AIMP2: variants seen among roughly 807,000 people sequenced by gnomAD.
AIMP2 encodes the protein aminoacyl tRNA synthase complex-interacting multifunctional protein 2.
A neutral mutation model predicts 23.4 loss-of-function variants in AIMP2; 20 were observed. The ratio of observed to expected loss-of-function variants is 0.85; its 90% confidence interval spans 0.60 to 1.24. AIMP2 has a LOEUF of 1.24. AIMP2 is among the 50% of genes most tolerant of loss of function. The pLI is 0.00. For missense variants in AIMP2, 515 were observed against 414.5 expected (o/e 1.24, Z -2.10); for synonymous variants, 210 against 170.4 (o/e 1.23, Z -1.81).
rs1370919042 is a variant in AIMP2 at position 6,021,520 on chromosome 7, T to C, written c.575-1783T>C. Among the ~76,000 whole-genome samples the C allele has an allele frequency of 2.6e-5, 4 of 152,076 alleles. No homozygotes were observed. In the East Asian group the frequency reaches 5.8e-4, roughly 22 times the overall value. ...CGTGACTTCATAGGATTTACGACAATCAAGGAAACCATGAAATAGATCATA... is the reference window on the plus strand; with the variant it reads ...CGTGACTTCATAGGATTTACGACAACCAAGGAAACCATGAAATAGATCATA... On this transcript the variant is annotated intron_variant, in intron 3 of 3. Coordinates refer to ENST00000223029, the MANE Select transcript of AIMP2 (RefSeq NM_006303.4).
At position 6,009,434 on chromosome 7, in the gene AIMP2, T is replaced by G. The variant is rs1324538398; in HGVS notation, c.71T>G (p.Met24Arg). The change falls in exon 1 of 4, where the codon ATG becomes AGG. Residue 24 changes from methionine (M) to arginine (R), a missense_variant. Met to Arg is a moderately conservative substitution (Grantham distance 91). Transcript: ENST00000223029. ...CTCCGTGTGGAGCTTCCCACCTGCATGTACCGGCTCCCCAACGTGCACGGC... is the reference window on the plus strand; with the variant it reads ...CTCCGTGTGGAGCTTCCCACCTGCAGGTACCGGCTCCCCAACGTGCACGGC... The part of the protein sequence containing the change: ...APLRVELPTC[M>R]YRLPNVHGRS... 2.5e-6 allele frequency: 4 copies of G among 1,611,192 alleles called. No individual in the cohort carries two copies. Among genetic ancestry groups the G allele is most frequent in the Non-Finnish European group, 3.4e-6 (4 of 1,179,862 alleles).
chr7:6,020,701 T>A (rs1490435880), intron 3 of AIMP2, among the ~76,000 whole-genome samples: 1 of 151,846 alleles, frequency 6.6e-6, no homozygotes, highest in African/African-American at 2.4e-5. Context: ...ATAAAGAAAA[T>A]CATGGAGGAG....
intron 1 of AIMP2, among the ~76,000 whole-genome samples, chr7:6,011,480 T>A (rs1202460756): frequency 2.0e-5 from 3 of 152,182 alleles, no homozygotes; most frequent in Non-Finnish European, 4.4e-5. Context: ...ATTGCAAACG[T>A]ACATCCTAGG....
At chr7:6,015,599 C>T (rs1472486450) in intron 2 of AIMP2, among the ~76,000 whole-genome samples, 4 of 152,202 alleles carry the variant, frequency 2.6e-5, no homozygotes, top group Admixed American at 2.0e-4. Context: ...TGGCGGGCAC[C>T]TGTAGTCCCA....
intron 2 of AIMP2, among the ~76,000 whole-genome samples, chr7:6,016,696 A>C: frequency 6.6e-6 from 1 of 152,178 alleles, no homozygotes; most frequent in East Asian, 1.9e-4. Context: ...GCGTCAAGTA[A>C]TACAATATGT....
intron 2 of AIMP2, among the ~76,000 whole-genome samples, chr7:6,017,600 A>C (rs1787100659): frequency 6.6e-6 from 1 of 151,786 alleles, no homozygotes; most frequent in Non-Finnish European, 1.5e-5. Flanking sequence ...GTTGGGGGTA[A>C]GGGGGTGGAG....
chr7:6,021,423 C>T (rs570689039), intron 3 of AIMP2, among the ~76,000 whole-genome samples: 84 of 151,028 alleles, frequency 5.6e-4, no homozygotes, highest in African/African-American at 1.2e-3. Flanking sequence ...AGGCCATCAT[C>T]GTATAAAAAG....
intron 3 of AIMP2, among the ~76,000 whole-genome samples, chr7:6,020,934 G>A (rs1583463496): frequency 6.6e-6 from 1 of 152,128 alleles, no homozygotes; most frequent in South Asian, 2.1e-4. Context: ...GAGACTTAAC[G>A]GGAAAAGATA....
chr7:6,022,558 T>A (rs1787504413), intron 3 of AIMP2: 1 of 152,228 alleles, frequency 6.6e-6, no homozygotes, highest in Non-Finnish European at 1.5e-5. Context: ...GCGATTTGCA[T>A]CAGGTCAGAT....
chr7:6,010,617 T>C (rs1267410207), intron 1 of AIMP2, among the ~76,000 whole-genome samples: 4 of 151,982 alleles, frequency 2.6e-5, no homozygotes, highest in Middle Eastern at 3.4e-3. Flanking sequence ...CCCGGCTAAT[T>C]TTTCTATTTT....
Position 6,018,078 on chromosome 7 carries a change from C to G in AIMP2, c.574+33C>G, listed in dbSNP as rs376960157. Reference sequence around the variant, plus strand: ...GACGGGACTGAGTTCAACTTACACACAGCTGCCCCTTGAACACCATGAGTT... The same window carrying G: ...GACGGGACTGAGTTCAACTTACACAGAGCTGCCCCTTGAACACCATGAGTT... On this transcript the variant is annotated intron_variant, in intron 3 of 3. Transcript: ENST00000223029. 1,716 of 1,548,304 alleles carry G rather than the reference C, an allele frequency of 1.1e-3. 3 individuals are homozygous for G. Among genetic ancestry groups the G allele is most frequent in the Non-Finnish European group, 1.3e-3 (1,487 of 1,127,286 alleles).
Position 6,009,974 on chromosome 7 carries a change from A to AAAAATATACATATAT in AIMP2, c.135+477_135+478insAAATATACATATATA. Among the ~76,000 whole-genome samples the AAAAATATACATATAT allele has an allele frequency of 9.0e-4, 24 of 26,674 alleles. 2 individuals are homozygous for AAAAATATACATATAT. Among genetic ancestry groups the AAAAATATACATATAT allele is most frequent in the African/African-American group, 3.1e-3 (22 of 7,146 alleles). The allele number at this position is 26,674 out of a possible 152,430, so 17.5% of individuals were successfully genotyped here. On this transcript the variant is annotated intron_variant, in intron 1 of 3. Coordinates refer to ENST00000223029, the MANE Select transcript of AIMP2 (RefSeq NM_006303.4). ...CAAAAAAAAAAAAAAAAAAAAAAAA[A>AAAAATATACATATAT]ATATATATATATATATATGTATGTA...
Position 6,023,503 on chromosome 7 carries a change from A to G in AIMP2, c.775A>G (p.Met259Val), listed in dbSNP as rs755273615. The change falls in exon 4 of 4, where the codon ATG becomes GTG. Residue 259 changes from methionine (M) to valine (V), a missense_variant. Coordinates refer to ENST00000223029, the MANE Select transcript of AIMP2 (RefSeq NM_006303.4). The part of the protein sequence containing the change: ...SKEKAAVFRS[M>V]NSALGKSPWL... ...AGAAAAAGCCGCTGTTTTCCGCTCC[A>G]TGAACTCTGCTCTTGGGAAGAGCCC... The G allele has an allele frequency of 3.2e-5, 52 of 1,614,096 alleles. No homozygotes were observed. The highest frequency in any genetic ancestry group is 3.9e-5 in the Non-Finnish European group (46 of 1,180,038).
chr7:6,012,512 A>T (rs1786753927), intron 1 of AIMP2, among the ~76,000 whole-genome samples: 1 of 152,074 alleles, frequency 6.6e-6, no homozygotes, highest in African/African-American at 2.4e-5. Flanking sequence ...AAAAATCACA[A>T]GCCACGTTAC....
In AIMP2 at chr7:6,023,663, T is replaced by G; in HGVS notation, c.935T>G (p.Phe312Cys). ...WMRSCENLAP[F>C]NTALKLLK ...AGGTCTTGTGAAAACCTGGCTCCTT[T>G]TAACACGGCCCTCAAGCTCCTTAAG... Residue 312 changes from phenylalanine (F) to cysteine (C), a missense_variant, in exon 4 of 4, where the codon TTT (phenylalanine) becomes TGT (cysteine). By Grantham distance (205) the Phe-to-Cys change is radical (BLOSUM62 -2). Transcript: ENST00000223029. The G allele has an allele frequency of 6.2e-7, 1 of 1,614,124 alleles. No homozygotes were observed. Among genetic ancestry groups the G allele is most frequent in the Non-Finnish European group, 8.5e-7 (1 of 1,180,022 alleles).
chr7:6,016,999 G>C lies in AIMP2; in HGVS notation c.343-815G>C. 4 of 153,832 alleles carry C rather than the reference G, an allele frequency of 2.6e-5. 1 individual carries two copies. The Middle Eastern group carries it at 3.9e-3, about 151-fold the overall frequency. The allele number at this position is 153,832 out of a possible 1,614,324, so 9.5% of individuals were successfully genotyped here. On this transcript the variant is annotated intron_variant, in intron 2 of 3. Transcript: ENST00000223029. Reference sequence around the variant, plus strand: ...ACCCGTGGGCCACTGGCACTGAAGAGGGTTACACAGTGGGAATAAACAAGG... The same window carrying C: ...ACCCGTGGGCCACTGGCACTGAAGACGGTTACACAGTGGGAATAAACAAGG...
At chr7:6,020,518 A>G (rs1008693092) in intron 3 of AIMP2, among the ~76,000 whole-genome samples, 1 of 152,252 alleles carries the variant, frequency 6.6e-6, no homozygotes, top group South Asian at 2.1e-4. Flanking sequence ...AAGCAAAGTC[A>G]TTATATGACA....
At chr7:6,014,249 G>GTT (rs1786874509) in intron 1 of AIMP2, among the ~76,000 whole-genome samples, 1 of 109,942 alleles carries the variant, frequency 9.1e-6, no homozygotes, top group South Asian at 3.2e-4. Context: ...ATTTGTTGAA[G>GTT]CTTTTTTTTT....
At position 6,017,840 on chromosome 7, in the gene AIMP2, G is replaced by C. The variant is rs774926931; in HGVS notation, c.369G>C (p.Val123=). 5.6e-6 allele frequency: 9 copies of C among 1,613,996 alleles called. No homozygotes were observed. The highest frequency in any genetic ancestry group is 7.6e-6 in the Non-Finnish European group (9 of 1,179,978). ...GKDYGALKDI[V]INANPASPPL... is the part of the protein sequence containing the mutation. ...ATTACGGGGCGCTGAAAGACATCGT[G>C]ATCAACGCAAACCCGGCCTCCCCTC... The change falls in exon 3 of 4, where the codon GTG becomes GTC. Residue 123 remains valine, a synonymous_variant. Transcript: ENST00000223029.
Sources: gnomAD v4.1 joint callset for allele counts (sites outside exome capture counted in the v4.1 genomes callset) on GRCh38, gnomAD v4.1.1 for gene constraint, MANE v1.5 for transcripts, NCBI Gene and HGNC (gene_info 2026-07-23, HGNC 2026-07-21) for gene names.